TOR1AIP1: variants seen among roughly 807,000 people sequenced by gnomAD.
TOR1AIP1 encodes the protein torsin 1A interacting protein 1, also known as torsin-1A-interacting protein 1.
TOR1AIP1 carries 54 observed loss-of-function variants against 63.3 expected under a neutral mutation model. That is an observed-to-expected ratio of 0.85 (90% CI 0.69 to 1.07). The LOEUF (loss-of-function observed/expected upper bound fraction) is 1.07, where lower values mean the gene tolerates loss of function less well. Among genes scored for constraint, TOR1AIP1 ranks in the 50% least tolerant of loss-of-function variants. The pLI, the probability that TOR1AIP1 is intolerant of heterozygous loss-of-function variation, is 0.00. For missense variants in TOR1AIP1, 736 were observed against 715.0 expected, an observed-to-expected ratio of 1.03 and a Z score of -0.33; for synonymous variants, 294 against 273.5, an observed-to-expected ratio of 1.07 and a Z score of -0.74.
At chr1:179,894,576 C>T (rs476280) in intron 3 of TOR1AIP1, among the ~76,000 whole-genome samples, 141,831 of 152,100 alleles carry the variant, frequency 0.93, 66,226 homozygotes, top group Middle Eastern at 0.97. Context: ...TAATCCCAGC[C>T]ACTTGGGAGG....
intron 9 of TOR1AIP1, 81 bp downstream of exon 9, chr1:179,914,135 C>A: frequency 8.4e-7 from 1 of 1,189,054 alleles, no homozygotes; most frequent in Non-Finnish European, 1.2e-6. Flanking sequence ...TTTTTGACAG[C>A]AGTATGACTC....
At chr1:179,915,722 C>T (rs1297399097) in intron 9 of TOR1AIP1, among the ~76,000 whole-genome samples, 1 of 152,006 alleles carries the variant, frequency 6.6e-6, no homozygotes, top group African/African-American at 2.4e-5. Context: ...CGCACCACTT[C>T]ATGTCATCCT....
At chr1:179,916,780 T>C (rs1408731677) in intron 9 of TOR1AIP1, among the ~76,000 whole-genome samples, 2 of 136,856 alleles carry the variant, frequency 1.5e-5, no homozygotes, top group African/African-American at 5.4e-5. Flanking sequence ...CTCGGCTCAC[T>C]GCAACCTCCG....
chr1:179,902,076 A>C (rs1648484415), intron 5 of TOR1AIP1, among the ~76,000 whole-genome samples: 1 of 126,708 alleles, frequency 7.9e-6, no homozygotes, highest in South Asian at 2.5e-4. Flanking sequence ...CCCATGCTGG[A>C]GTGCAGTGGC....
Position 179,882,442 on chromosome 1 carries a change from G to C in TOR1AIP1, c.-61G>C. The C allele has an allele frequency of 7.4e-7, 1 of 1,349,840 alleles. No homozygotes were observed. The highest frequency in any genetic ancestry group is 9.6e-7 in the Non-Finnish European group (1 of 1,042,876). The allele number at this position is 1,349,840 out of a possible 1,614,324, so 83.6% of individuals were successfully genotyped here. A position where few individuals can be genotyped will look rare whatever the true frequency, so the allele number is the denominator to read the frequency against. On this transcript the variant is annotated 5_prime_UTR_variant, in exon 1 of 10. Transcript: ENST00000606911. Reference sequence around the variant, plus strand: ...CCCCGAGAAGCCATCGCCACCACCGGCAGGAGAACCTAGGGTCCATAAAGC... The same window carrying C: ...CCCCGAGAAGCCATCGCCACCACCGCCAGGAGAACCTAGGGTCCATAAAGC...
chr1:179,889,416 T>A (rs540404585), intron 3 of TOR1AIP1, 47 bp downstream of exon 3: 3 of 1,490,488 alleles, frequency 2.0e-6, no homozygotes, highest in East Asian at 4.5e-5. Flanking sequence ...TAAATACAGT[T>A]TTATTTTTAA....
chr1:179,896,507 T>G (rs1371402381), intron 3 of TOR1AIP1, among the ~76,000 whole-genome samples: 1 of 151,784 alleles, frequency 6.6e-6, no homozygotes, highest in East Asian at 1.9e-4. Flanking sequence ...CTCTTAGATG[T>G]ACGTGATGTA....
chr1:179,903,256 C>G (rs1296508565), intron 5 of TOR1AIP1, among the ~76,000 whole-genome samples: 1 of 151,112 alleles, frequency 6.6e-6, no homozygotes, highest in Non-Finnish European at 1.5e-5. Flanking sequence ...GACTCCATCT[C>G]TTAAAAAAAA....
chr1:179,889,134 T>C (rs183875325), intron 2 of TOR1AIP1, among the ~76,000 whole-genome samples, 179 bp from the exon 3 acceptor site: 1 of 152,354 alleles, frequency 6.6e-6, no homozygotes, highest in East Asian at 1.9e-4. Flanking sequence ...AACTTGTCTC[T>C]AGTTCACTAT....
Position 179,918,292 on chromosome 1 carries a change from T to G in TOR1AIP1, c.*53T>G. On this transcript the variant is annotated 3_prime_UTR_variant, in exon 10 of 10. Coordinates refer to ENST00000606911, the MANE Select transcript of TOR1AIP1 (RefSeq NM_015602.4). ...CCAAGTTCTGAGAATTGTTCACACT[T>G]TCTAACCAGAGACAGAATTCAGAGC... 1 of 1,500,308 alleles carries G rather than the reference T, an allele frequency of 6.7e-7. No homozygotes were observed. The highest frequency in any genetic ancestry group is 1.3e-5 in the South Asian group (1 of 76,712). The allele number at this position is 1,500,308 out of a possible 1,614,324, so 92.9% of individuals were successfully genotyped here. A position where few individuals can be genotyped will look rare whatever the true frequency, so the allele number is the denominator to read the frequency against.
intron 1 of TOR1AIP1, 103 bp downstream of exon 1, chr1:179,883,080 G>A: frequency 1.9e-6 from 2 of 1,074,380 alleles, no homozygotes; most frequent in South Asian, 2.9e-5. Context: ...CTAAGTACTG[G>A]GATTGGCTAA....
intron 3 of TOR1AIP1, among the ~76,000 whole-genome samples, chr1:179,899,897 G>A (rs568587158): frequency 2.0e-5 from 3 of 152,112 alleles, no homozygotes; most frequent in Admixed American, 6.5e-5. Context: ...CACCCACCTC[G>A]GCCTCCCAAA....
rs1470187256 is a variant in TOR1AIP1, at chr1:179,882,946, G to A, written c.444G>A (p.Arg148=). The change falls in exon 1 of 10, where the codon AGG becomes AGA. Residue 148 remains arginine (R), a synonymous_variant. Coordinates refer to ENST00000606911, the MANE Select transcript of TOR1AIP1 (RefSeq NM_015602.4). ...PPLQPSPVMT[R]RGLRDSHSSE... ...TACAGCCGTCTCCTGTTATGACCAGGAGAGGGCTGCGGGACTCTCATTCCT... is the reference window on the plus strand; with the variant it reads ...TACAGCCGTCTCCTGTTATGACCAGAAGAGGGCTGCGGGACTCTCATTCCT... The A allele has an allele frequency of 6.2e-7, 1 of 1,613,636 alleles. No homozygotes were observed. The highest frequency in any genetic ancestry group is 2.2e-5 in the East Asian group (1 of 44,874).
rs541314887 is a variant in TOR1AIP1, at chr1:179,883,962, G to A, written c.476-730G>A. On this transcript the variant is annotated intron_variant, in intron 1 of 9. Coordinates refer to ENST00000606911, the MANE Select transcript of TOR1AIP1 (RefSeq NM_015602.4). ...ATAGTTTGTGGTAGACTATTGATAG[G>A]CGGAGGAGTGGGTTTTCAGCTTAGA... The A allele has an allele frequency of 2.3e-4, 49 of 210,974 alleles. 1 individual carries two copies. The South Asian group carries it at 2.8e-3, about 12-fold the overall frequency. The allele number at this position is 210,974 out of a possible 1,614,324, so 13.1% of individuals were successfully genotyped here.
At position 179,915,329 on chromosome 1, in the gene TOR1AIP1, T is replaced by C. The variant is rs369958217; in HGVS notation, c.964+1275T>C. ...TCATTGGTCTTTCTTATACTTTGAATGGAGTATCATGCACTGGTCATTTGG... is the reference window on the plus strand; with the variant it reads ...TCATTGGTCTTTCTTATACTTTGAACGGAGTATCATGCACTGGTCATTTGG... On this transcript the variant is annotated intron_variant, in intron 9 of 9. Coordinates refer to ENST00000606911, the MANE Select transcript of TOR1AIP1 (RefSeq NM_015602.4). Among the ~76,000 whole-genome samples the C allele has an allele frequency of 6.0e-4, 92 of 152,394 alleles. 1 individual carries two copies. In the South Asian group the frequency reaches 0.018, roughly 30 times the overall value.
At chr1:179,906,731 T>TCCC (rs1558044572) in intron 6 of TOR1AIP1, among the ~76,000 whole-genome samples, 2 of 50,258 alleles carry the variant, frequency 4.0e-5, no homozygotes, top group African/African-American at 1.2e-4. Flanking sequence ...CCAATTTTGG[T>TCCC]TCCCCCCCCC....
chr1:179,901,192 A>T, intron 4 of TOR1AIP1, 110 bp from the exon 5 acceptor site: 2 of 603,018 alleles, frequency 3.3e-6, no homozygotes, highest in Non-Finnish European at 5.4e-6. Context: ...TCTATATCTG[A>T]TAACTTAAAA....
chr1:179,895,172 A>T lies in TOR1AIP1; in HGVS notation c.611-4954A>T, dbSNP rs12086653. Among the ~76,000 whole-genome samples, 604 of 152,232 alleles carry T rather than the reference A, an allele frequency of 4.0e-3. 5 individuals carry two copies. Among genetic ancestry groups the T allele is most frequent in the African/African-American group, 0.014 (575 of 41,526 alleles). ...TTCTTAAACAGCATGTTTAATTATTACCATTTGTCTATATATTTGCTAAAG... is the reference window on the plus strand; with the variant it reads ...TTCTTAAACAGCATGTTTAATTATTTCCATTTGTCTATATATTTGCTAAAG... On this transcript the variant is annotated intron_variant, in intron 3 of 9. Coordinates refer to ENST00000606911, the MANE Select transcript of TOR1AIP1 (RefSeq NM_015602.4).
chr1:179,911,476 T>C (rs983366857), intron 8 of TOR1AIP1, among the ~76,000 whole-genome samples: 5 of 152,232 alleles, frequency 3.3e-5, no homozygotes. Context: ...GGCTTCTGCC[T>C]GCATCCAAAC....
Sources: allele counts gnomAD v4.1 joint callset (sites outside exome capture counted in the v4.1 genomes callset), GRCh38; gene constraint gnomAD v4.1.1; transcripts MANE v1.5; gene names NCBI Gene and HGNC (gene_info 2026-07-23, HGNC 2026-07-21).